Variants in DHX57 observed in about 807,000 individuals in gnomAD.
The protein encoded by DHX57 is DExH-box helicase 57.
In DHX57, 105 loss-of-function variants were observed where a neutral mutation model predicts 156.2. That is an observed-to-expected ratio of 0.67 (90% confidence interval 0.57 to 0.79). The LOEUF (loss-of-function observed/expected upper bound fraction) is 0.79. DHX57 is among the 30% of genes least tolerant of loss of function. DHX57 has a pLI of 0.00. For missense variants in DHX57, 1,847 were observed against 1,661.9 expected, an observed-to-expected ratio of 1.11 and a Z score of -1.94; for synonymous variants, 704 against 595.6, an observed-to-expected ratio of 1.18 and a Z score of -2.65.
At chr2:38,828,501 T>G in intron 13 of DHX57, 65 bp from the exon 14 acceptor site, 1 of 1,242,896 alleles carries the variant, frequency 8.0e-7, no homozygotes, top group Middle Eastern at 2.4e-4. Flanking sequence ...AAGAAAAATT[T>G]TTTTAAAAAA....
chr2:38,851,449 G>A (rs1672590071), intron 9 of DHX57, among the ~76,000 whole-genome samples: 1 of 151,986 alleles, frequency 6.6e-6, no homozygotes, highest in Non-Finnish European at 1.5e-5. Flanking sequence ...ATTAGTTTTT[G>A]CTTTTTTCAG....
intron 16 of DHX57, among the ~76,000 whole-genome samples, chr2:38,825,240 C>T (rs1011880590): frequency 3.9e-5 from 6 of 152,140 alleles, no homozygotes; most frequent in African/African-American, 7.2e-5. Flanking sequence ...TAATGTAGTT[C>T]ACTTTAAGAC....
rs747724087 is a variant in DHX57 at position 38,823,060 on chromosome 2, C to G, written c.3224G>C (p.Gly1075Ala). The G allele has an allele frequency of 9.3e-6, 15 of 1,613,934 alleles. No homozygotes were observed. The highest frequency in any genetic ancestry group is 8.5e-7 in the Non-Finnish European group (1 of 1,180,020). The change falls in exon 17 of 24, where the codon GGG becomes GCG. Residue 1075 changes from glycine to alanine, a missense_variant. Gly to Ala is a moderately conservative substitution (Grantham distance 60). Coordinates refer to ENST00000457308, the MANE Select transcript of DHX57 (RefSeq NM_198963.3). ...AGGATCCAAACAGCGGAAGATAGAC[C>G]CAAACAACATTAGTTTGCCAATTCT... The part of the protein sequence containing the change: ...DVRIGKLMLF[G>A]SIFRCLDPAL...
chr2:38,839,124 G>A (rs1671843300), intron 12 of DHX57, among the ~76,000 whole-genome samples: 1 of 151,538 alleles, frequency 6.6e-6, no homozygotes, highest in African/African-American at 2.4e-5. Flanking sequence ...TAGAGATGGG[G>A]TTTCACCATG....
At position 38,858,805 on chromosome 2, in the gene DHX57, A is replaced by G. The variant is rs569137112; in HGVS notation, c.1443T>C (p.Asp481=). 8.1e-6 allele frequency: 13 copies of G among 1,612,618 alleles called. No individual in the cohort carries two copies. Among genetic ancestry groups the G allele is most frequent in the African/African-American group, 8.0e-5 (6 of 74,972 alleles). Residue 481 remains aspartate, a synonymous_variant, in exon 6 of 24, where the codon GAT becomes GAC. Coordinates refer to ENST00000457308, the MANE Select transcript of DHX57 (RefSeq NM_198963.3). ...TAACAGGTGCAGGACCGTCATCCTC[A>G]TCTGACTCCTCAGATTCTGATGCTT... ...VEKASESEES[D]EDDGPAPVIV...
At chr2:38,833,327 G>C (rs1380845925) in intron 13 of DHX57, among the ~76,000 whole-genome samples, 1 of 151,932 alleles carries the variant, frequency 6.6e-6, no homozygotes, top group African/African-American at 2.4e-5. Flanking sequence ...ATTTTTAGTA[G>C]AGATGGTGTT....
At position 38,848,307 on chromosome 2, in the gene DHX57, GA is replaced by G; in HGVS notation, c.2125del (p.Ser709GlnfsTer30). ...AACGGGGCAGGAATTAAAATAGTCT[GA>G]AAAAAGCTCAGCGTTTAGAGTTGCA... ...MSATLNAELF[S>X]DYFNSCPVIT... On this transcript the variant is annotated frameshift_variant, in exon 10 of 24. Coordinates refer to ENST00000457308, the MANE Select transcript of DHX57 (RefSeq NM_198963.3). LOFTEE classifies it high-confidence loss of function. 1 of 1,609,768 alleles carries G rather than the reference GA, an allele frequency of 6.2e-7. No homozygotes were observed. The highest frequency in any genetic ancestry group is 1.1e-5 in the South Asian group (1 of 90,042).
At chr2:38,828,277 G>T in intron 14 of DHX57, 63 bp downstream of exon 14, 2 of 1,275,450 alleles carry the variant, frequency 1.6e-6, no homozygotes, top group Non-Finnish European at 2.2e-6. Flanking sequence ...TCTAAAGAGG[G>T]TGATGATATC....
At chr2:38,819,843 G>A (rs986585608) in intron 17 of DHX57, among the ~76,000 whole-genome samples, 1 of 152,074 alleles carries the variant, frequency 6.6e-6, no homozygotes, top group Non-Finnish European at 1.5e-5. Flanking sequence ...CTTATTTATT[G>A]TTTTACTTGA....
chr2:38,802,973 AC>A (rs1391525806), intron 22 of DHX57, 58 bp from the exon 23 acceptor site: 5 of 1,592,186 alleles, frequency 3.1e-6, no homozygotes, highest in South Asian at 1.1e-5. Context: ...AAAGGGAACA[AC>A]CCCCCAGTCC....
At chr2:38,835,669 G>C (rs10168789) in intron 13 of DHX57, among the ~76,000 whole-genome samples, 84,267 of 152,046 alleles carry the variant, frequency 0.55, 24,984 homozygotes, top group East Asian at 0.81. Context: ...TCAATGCTAC[G>C]AAAGAGAATT....
Position 38,813,814 on chromosome 2 carries a change from T to C in DHX57, c.3681+7A>G, listed in dbSNP as rs1373745562. The C allele has an allele frequency of 6.2e-7, 1 of 1,613,554 alleles. No homozygotes were observed. The highest frequency in any genetic ancestry group is 8.5e-7 in the Non-Finnish European group (1 of 1,179,588). On this transcript the variant is annotated splice_region_variant and intron_variant, in intron 21 of 23. Coordinates refer to ENST00000457308, the MANE Select transcript of DHX57 (RefSeq NM_198963.3). ...AATGGAAAGATCTAGGAAAAATGTT[T>C]TGTTACCTGCACTACATTTGGATAC...
At position 38,862,173 on chromosome 2, in the gene DHX57, A is replaced by G. The variant is rs774094291; in HGVS notation, c.544T>C (p.Ser182Pro). 6.2e-7 allele frequency: 1 copy of G among 1,608,150 alleles called. No homozygotes were observed. The highest frequency in any genetic ancestry group is 1.7e-5 in the Admixed American group (1 of 58,910). The part of the protein sequence containing the change: ...VEPYVPEFTV[S>P]PFAVQKLSRY... The stretch of plus-strand genomic sequence containing the variant: ...GAAAGTTTTTGCACTGCAAATGGGG[A>G]GACTGTAAATTCTGGAACATAAGGC... The change falls in exon 4 of 24, where the codon TCC becomes CCC. Residue 182 changes from serine to proline, a missense_variant. By Grantham distance (74) the Ser-to-Pro change is moderately conservative (BLOSUM62 -1). Transcript: ENST00000457308.
chr2:38,824,898 C>G (rs111814521), intron 16 of DHX57, among the ~76,000 whole-genome samples: 3 of 152,218 alleles, frequency 2.0e-5, no homozygotes, highest in South Asian at 2.1e-4. Context: ...ATCTGCCTGC[C>G]CCAGCCTCCC....
chr2:38,837,876 C>T lies in DHX57; in HGVS notation c.2497G>A (p.Ala833Thr), dbSNP rs1185454637. The T allele has an allele frequency of 2.5e-6, 4 of 1,613,486 alleles. No individual in the cohort carries two copies. The highest frequency in any genetic ancestry group is 2.5e-6 in the Non-Finnish European group (3 of 1,179,528). The change falls in exon 13 of 24, where the codon GCC (alanine) becomes ACC (threonine). Residue 833 changes from alanine (A) to threonine (T), a missense_variant. By Grantham distance (58) the Ala-to-Thr change is moderately conservative. Transcript: ENST00000457308. ...CCATCCACAATCCACTCTAATAAGG[C>T]CTCTATTAATTCAAGATTCACCTTT... ...FEKVNLELIE[A>T]LLEWIVDGKH...
At chr2:38,820,182 T>C (rs571787039) in intron 17 of DHX57, among the ~76,000 whole-genome samples, 1 of 152,322 alleles carries the variant, frequency 6.6e-6, no homozygotes, top group South Asian at 2.1e-4. Context: ...TAATTTCTAC[T>C]TGAAAGTAAA....
chr2:38,857,424 T>C (rs572249198), intron 6 of DHX57, among the ~76,000 whole-genome samples: 1 of 152,350 alleles, frequency 6.6e-6, no homozygotes, highest in East Asian at 1.9e-4. Flanking sequence ...GTAATAAATT[T>C]ACAGGAACTT....
chr2:38,864,278 C>T (rs927604679), intron 2 of DHX57, among the ~76,000 whole-genome samples: 3 of 149,554 alleles, frequency 2.0e-5, no homozygotes, highest in East Asian at 3.9e-4. Context: ...GGGGCATTGG[C>T]TCACACCTGT....
chr2:38,855,807 A>G (rs1405744036), intron 7 of DHX57, among the ~76,000 whole-genome samples: 5 of 152,212 alleles, frequency 3.3e-5, no homozygotes, highest in Non-Finnish European at 7.3e-5. Context: ...TTTTAAAAGA[A>G]AAATAAAGGC....
Sources: gnomAD v4.1 joint callset for allele counts (sites outside exome capture counted in the v4.1 genomes callset) on GRCh38, gnomAD v4.1.1 for gene constraint, MANE v1.5 for transcripts, NCBI Gene and HGNC (gene_info 2026-07-23, HGNC 2026-07-21) for gene names.